Variants in SHISA9 observed in about 807,000 individuals in gnomAD.
SHISA9 encodes the protein protein shisa-9.
SHISA9 carries 13 observed loss-of-function variants against 38.0 expected under a neutral mutation model. The ratio of observed to expected loss-of-function variants is 0.34; its 90% CI spans 0.22 to 0.54. SHISA9 has a LOEUF of 0.54. Ranked by LOEUF, SHISA9 falls within the 20% of genes least tolerant of loss-of-function variation. SHISA9 has a pLI of 0.91. For missense variants in SHISA9, 538 were observed against 575.8 expected (o/e 0.93, Z 0.67); for synonymous variants, 275 against 242.0 (o/e 1.14, Z -1.27).
the SHISA9 span, among the ~76,000 whole-genome samples, chr16:13,438,722 G>A: frequency 6.6e-6 from 1 of 152,166 alleles, no homozygotes; most frequent in Non-Finnish European, 1.5e-5. Flanking sequence ...AACCGCTGGA[G>A]AAGAACCAGA....
chr16:13,209,585 A>G (rs1035713975), intron 3 of SHISA9, among the ~76,000 whole-genome samples: 6 of 152,200 alleles, frequency 3.9e-5, no homozygotes, highest in Non-Finnish European at 7.3e-5. Context: ...TTTTCACTCA[A>G]TTGACTCTCC....
intron 2 of SHISA9, among the ~76,000 whole-genome samples, chr16:13,145,567 G>C (rs1053229060): frequency 6.6e-6 from 1 of 152,148 alleles, no homozygotes; most frequent in African/African-American, 2.4e-5. Context: ...GTGTGGCTGC[G>C]TGGAAGGTGC....
chr16:13,306,074 A>G, the SHISA9 span, among the ~76,000 whole-genome samples: 3 of 152,188 alleles, frequency 2.0e-5, no homozygotes, highest in Admixed American at 1.3e-4. Flanking sequence ...TTCAACATTA[A>G]TGAAGGATTC....
the SHISA9 span, among the ~76,000 whole-genome samples, chr16:13,471,848 T>C: frequency 6.6e-6 from 1 of 152,108 alleles, no homozygotes; most frequent in East Asian, 1.9e-4. Flanking sequence ...GAATATCAGA[T>C]ACAGGTCAGC....
At chr16:13,026,963 A>G (rs957350245) in intron 2 of SHISA9, among the ~76,000 whole-genome samples, 1 of 152,134 alleles carries the variant, frequency 6.6e-6, no homozygotes, top group African/African-American at 2.4e-5. Context: ...GTTGAAAGTC[A>G]TTGTCTGTGT....
intron 2 of SHISA9, among the ~76,000 whole-genome samples, chr16:13,180,092 C>T (rs924788209): frequency 8.5e-5 from 13 of 152,202 alleles, no homozygotes; most frequent in African/African-American, 2.9e-4. Context: ...TGTAGAACTC[C>T]ACGAAGCAGT....
intron 2 of SHISA9, among the ~76,000 whole-genome samples, chr16:12,999,068 G>A (rs2072493154): frequency 6.6e-6 from 1 of 152,050 alleles, no homozygotes; most frequent in African/African-American, 2.4e-5. Flanking sequence ...ATATATTATT[G>A]GTTCATTAAC....
chr16:13,448,016 G>T, the SHISA9 span, among the ~76,000 whole-genome samples: 2 of 152,164 alleles, frequency 1.3e-5, no homozygotes, highest in African/African-American at 2.4e-5. Context: ...AACAAACACA[G>T]GCCCAGGGTG....
At chr16:13,166,945 C>G in intron 2 of SHISA9, among the ~76,000 whole-genome samples, 1 of 151,990 alleles carries the variant, frequency 6.6e-6, no homozygotes, top group Non-Finnish European at 1.5e-5. Context: ...ATGTCACAAA[C>G]CTGCACATCC....
At chr16:13,523,072 GC>G in the SHISA9 span, among the ~76,000 whole-genome samples, 1 of 152,152 alleles carries the variant, frequency 6.6e-6, no homozygotes, top group East Asian at 1.9e-4. Flanking sequence ...CCCAGGCCAG[GC>G]TCGGTAGCTC....
At chr16:13,038,042 G>A (rs1176621183) in intron 2 of SHISA9, among the ~76,000 whole-genome samples, 7 of 152,154 alleles carry the variant, frequency 4.6e-5, no homozygotes, top group African/African-American at 7.2e-5. Flanking sequence ...CCAGGCTGGC[G>A]TACAGTGGCA....
chr16:13,181,580 A>G (rs1049427562), intron 2 of SHISA9, among the ~76,000 whole-genome samples: 2 of 151,886 alleles, frequency 1.3e-5, no homozygotes, highest in Non-Finnish European at 2.9e-5. Flanking sequence ...ATTTTATTCT[A>G]AAGTGCAGCG....
At chr16:12,981,212 G>C (rs1444688521) in intron 2 of SHISA9, among the ~76,000 whole-genome samples, 2 of 152,210 alleles carry the variant, frequency 1.3e-5, no homozygotes, top group African/African-American at 4.8e-5. Context: ...GGGTAGGTGA[G>C]TCCTAGGATG....
At chr16:13,291,248 T>A in the SHISA9 span, among the ~76,000 whole-genome samples, 1,375 of 152,254 alleles carry the variant, frequency 9.0e-3, 12 homozygotes, top group Non-Finnish European at 0.013. Flanking sequence ...TTGCACAATA[T>A]CACTTCCACC....
At chr16:13,275,858 T>A in the SHISA9 span, among the ~76,000 whole-genome samples, 2 of 152,052 alleles carry the variant, frequency 1.3e-5, no homozygotes, top group Non-Finnish European at 2.9e-5. Flanking sequence ...CCCTCTTTTT[T>A]CTTGATTAGT....
chr16:13,306,582 C>T, the SHISA9 span, among the ~76,000 whole-genome samples: 15 of 152,292 alleles, frequency 9.8e-5, no homozygotes, highest in South Asian at 8.3e-4. Flanking sequence ...GTCAGGGCTG[C>T]AGTCAGCTAA....
chr16:13,555,190 T>C, the SHISA9 span, among the ~76,000 whole-genome samples: 1 of 152,204 alleles, frequency 6.6e-6, no homozygotes, highest in African/African-American at 2.4e-5. Flanking sequence ...ATAACCTATA[T>C]AGACTGTTAG....
chr16:13,326,668 C>T, the SHISA9 span, among the ~76,000 whole-genome samples: 1 of 152,148 alleles, frequency 6.6e-6, no homozygotes, highest in Non-Finnish European at 1.5e-5. Context: ...TTGCAGTGAG[C>T]TGAGATTGTG....
At chr16:13,447,482 G>C in the SHISA9 span, among the ~76,000 whole-genome samples, 4 of 152,342 alleles carry the variant, frequency 2.6e-5, no homozygotes, top group African/African-American at 9.6e-5. Context: ...AGCTTACCCA[G>C]CAATGCGGGG....
Sources: allele counts gnomAD v4.1 joint callset (sites outside exome capture counted in the v4.1 genomes callset), GRCh38; gene constraint gnomAD v4.1.1; transcripts MANE v1.5; gene names NCBI Gene and HGNC (gene_info 2026-07-23, HGNC 2026-07-21).